Variants in CSNK1G1 observed in about 807,000 individuals in gnomAD.
The protein encoded by CSNK1G1 is casein kinase I isoform gamma-1.
Under a neutral mutation model 59.6 loss-of-function variants are expected in CSNK1G1, and 22 were observed. The ratio of observed to expected loss-of-function variants is 0.37; its 90% CI spans 0.26 to 0.53. The LOEUF (loss-of-function observed/expected upper bound fraction) is 0.53, where lower values mean the gene tolerates loss of function less well. CSNK1G1 is among the 20% of genes least tolerant of loss of function. CSNK1G1 has a pLI of 0.89. For missense variants in CSNK1G1, 384 were observed against 519.5 expected (o/e 0.74, Z 2.54); for synonymous variants, 179 against 177.1 (o/e 1.01, Z -0.08).
In CSNK1G1 at chr15:64,245,501, C is replaced by T. The variant is rs74333098; in HGVS notation, c.292+6011G>A. ...TCAGTTTATCAAAAACATGTGTGTA[C>T]GTCCATGTTTATTACAGCTCTATTC... On this transcript the variant is annotated intron_variant, in intron 4 of 11. Coordinates refer to ENST00000303052, the MANE Select transcript of CSNK1G1 (RefSeq NM_022048.5). Among the ~76,000 whole-genome samples, 1,284 of 152,138 alleles carry T rather than the reference C, an allele frequency of 8.4e-3. 19 individuals are homozygous for T. Among genetic ancestry groups the T allele is most frequent in the African/African-American group, 0.029 (1,204 of 41,512 alleles).
chr15:64,347,194 C>T (rs1359133703), intron 1 of CSNK1G1, among the ~76,000 whole-genome samples: 1 of 152,146 alleles, frequency 6.6e-6, no homozygotes, highest in African/African-American at 2.4e-5. Flanking sequence ...ATTCATTACT[C>T]GTAGGAATAC....
intron 2 of CSNK1G1, 69 bp downstream of exon 2, chr15:64,300,250 T>C (rs1818878352): frequency 2.0e-6 from 3 of 1,465,064 alleles, no homozygotes; most frequent in African/African-American, 2.8e-5. Context: ...ACGGCTTGTC[T>C]TGAAACACAC....
chr15:64,265,828 G>A (rs1029954863), intron 2 of CSNK1G1: 21 of 456,520 alleles, frequency 4.6e-5, no homozygotes, highest in Non-Finnish European at 7.5e-5. Context: ...GCCTATTACT[G>A]CCAGCACTTT....
chr15:64,286,998 C>A (rs1261605709), intron 2 of CSNK1G1, among the ~76,000 whole-genome samples: 1 of 152,102 alleles, frequency 6.6e-6, no homozygotes, highest in Non-Finnish European at 1.5e-5. Flanking sequence ...ATATTAAATG[C>A]TAATGACTAT....
At chr15:64,248,009 A>G (rs1197322416) in intron 4 of CSNK1G1, among the ~76,000 whole-genome samples, 4 of 152,246 alleles carry the variant, frequency 2.6e-5, no homozygotes, top group African/African-American at 9.6e-5. Context: ...ACTGGACAGT[A>G]ATGAACAATG....
intron 1 of CSNK1G1, among the ~76,000 whole-genome samples, chr15:64,342,309 C>G (rs924812781): frequency 1.3e-5 from 2 of 152,200 alleles, no homozygotes; most frequent in Non-Finnish European, 2.9e-5. Flanking sequence ...AGCCACACTT[C>G]AGTGGCTTGC....
intron 11 of CSNK1G1, among the ~76,000 whole-genome samples, chr15:64,178,966 G>A (rs888015757): frequency 1.3e-5 from 2 of 149,514 alleles, no homozygotes; most frequent in African/African-American, 4.9e-5. Context: ...GCCCAGGCTG[G>A]TCTCAAACCT....
At chr15:64,280,846 A>G (rs1304169022) in intron 2 of CSNK1G1, among the ~76,000 whole-genome samples, 7 of 152,108 alleles carry the variant, frequency 4.6e-5, no homozygotes, top group African/African-American at 9.7e-5. Flanking sequence ...ATATATACAT[A>G]CAATGGATTA....
At chr15:64,199,771 C>T (rs1211009315) in intron 10 of CSNK1G1, among the ~76,000 whole-genome samples, 1 of 151,778 alleles carries the variant, frequency 6.6e-6, no homozygotes, top group Non-Finnish European at 1.5e-5. Flanking sequence ...GAGAGTTGCT[C>T]GAACCCGGGA....
intron 3 of CSNK1G1, among the ~76,000 whole-genome samples, chr15:64,252,894 CA>C (rs1892168539): frequency 6.6e-6 from 1 of 152,128 alleles, no homozygotes; most frequent in Non-Finnish European, 1.5e-5. Context: ...TTACCCTAAA[CA>C]CATTATAATC....
intron 10 of CSNK1G1, chr15:64,181,484 C>A: frequency 7.0e-7 from 1 of 1,436,712 alleles, no homozygotes; most frequent in East Asian, 2.5e-5. Flanking sequence ...TATCATATGC[C>A]CTTGGATAAG....
At chr15:64,221,577 G>A (rs1300435697) in intron 4 of CSNK1G1, among the ~76,000 whole-genome samples, 1 of 151,744 alleles carries the variant, frequency 6.6e-6, no homozygotes, top group African/African-American at 2.4e-5. Context: ...ATTTCTAGGA[G>A]AGGGTCAAGG....
chr15:64,349,657 T>C (rs1005996652), intron 1 of CSNK1G1, among the ~76,000 whole-genome samples: 4 of 152,202 alleles, frequency 2.6e-5, no homozygotes, highest in African/African-American at 9.6e-5. Context: ...GATACCACAC[T>C]AGTGCTATTT....
At position 64,189,814 on chromosome 15, in the gene CSNK1G1, A is replaced by C. The variant is rs980209103; in HGVS notation, c.1108-9360T>G. Among the ~76,000 whole-genome samples, 13 of 136,228 alleles carry C rather than the reference A, an allele frequency of 9.5e-5. No individual in the cohort carries two copies. The East Asian group carries it at 2.3e-3, about 24-fold the overall frequency. 89.4% of individuals were successfully genotyped at this position (136,228 alleles called of 152,430 possible). ...GAGCTTTGTACACCAGCTACAATTT[A>C]CTTTTTTTTTTTTTTTTTTTTTGAG... is the stretch of plus-strand genomic sequence containing the variant. On this transcript the variant is annotated intron_variant, in intron 10 of 11. Coordinates refer to ENST00000303052, the MANE Select transcript of CSNK1G1 (RefSeq NM_022048.5).
intron 1 of CSNK1G1, among the ~76,000 whole-genome samples, chr15:64,329,133 A>G (rs1896993308): frequency 1.3e-5 from 2 of 151,964 alleles, no homozygotes; most frequent in Admixed American, 6.6e-5. Flanking sequence ...AAAGTCAACA[A>G]GGATACCCAG....
At chr15:64,183,112 C>A (rs944583028) in intron 10 of CSNK1G1, among the ~76,000 whole-genome samples, 1 of 152,194 alleles carries the variant, frequency 6.6e-6, no homozygotes, top group South Asian at 2.1e-4. Context: ...TCTACTCACA[C>A]GAATGAAACA....
intron 8 of CSNK1G1, 118 bp from the exon 9 acceptor site, chr15:64,204,707 C>T (rs2082154501): frequency 1.6e-6 from 2 of 1,252,060 alleles, no homozygotes; most frequent in Non-Finnish European, 2.3e-6. Flanking sequence ...CTGATGTTTT[C>T]TTTACTGACA....
At chr15:64,223,137 GT>G (rs1476873794) in intron 4 of CSNK1G1, among the ~76,000 whole-genome samples, 1 of 152,016 alleles carries the variant, frequency 6.6e-6, no homozygotes, top group Non-Finnish European at 1.5e-5. Flanking sequence ...GTCTGTGCTG[GT>G]GGTAAAAGAC....
At chr15:64,322,790 C>T (rs1366264882) in intron 1 of CSNK1G1, among the ~76,000 whole-genome samples, 1 of 152,132 alleles carries the variant, frequency 6.6e-6, no homozygotes, top group Non-Finnish European at 1.5e-5. Context: ...CACTACATTC[C>T]AGCCTGGGTG....
Sources: allele counts gnomAD v4.1 joint callset (sites outside exome capture counted in the v4.1 genomes callset), GRCh38; gene constraint gnomAD v4.1.1; transcripts MANE v1.5; gene names NCBI Gene and HGNC (gene_info 2026-07-23, HGNC 2026-07-21).